BACH2: variants seen among roughly 807,000 people sequenced by gnomAD.
The protein encoded by BACH2 is transcription regulator protein BACH2.
In BACH2, 5 loss-of-function variants were observed where a neutral mutation model predicts 61.8. That is an observed-to-expected ratio of 0.08 (90% CI 0.04 to 0.17). The LOEUF is 0.17. Ranked by LOEUF, BACH2 falls within the 10% of genes least tolerant of loss-of-function variation. BACH2 has a pLI of 1.00. For synonymous variants in BACH2, 446 were observed against 440.1 expected (o/e 1.01, Z -0.17); for missense variants, 824 against 1,091.1 (o/e 0.76, Z 3.45).
At position 90,031,460 on chromosome 6, in the gene BACH2, T is replaced by G. The variant is rs374370824; in HGVS notation, c.-12-22604A>C. On this transcript the variant is annotated intron_variant, in intron 5 of 8. Coordinates refer to ENST00000257749, the MANE Select transcript of BACH2 (RefSeq NM_021813.4). ...GATTGTATATCTAGAAAACCCCATCTTCTCAGCCCAAAATCTCCTTAAGCT... is the reference window on the plus strand; with the variant it reads ...GATTGTATATCTAGAAAACCCCATCGTCTCAGCCCAAAATCTCCTTAAGCT... Among the ~76,000 whole-genome samples, 6 of 152,132 alleles carry G rather than the reference T, an allele frequency of 3.9e-5. No homozygotes were observed. The East Asian group carries it at 9.6e-4, about 24-fold the overall frequency.
intron 4 of BACH2, among the ~76,000 whole-genome samples, chr6:90,192,163 T>G (rs1768596798): frequency 6.6e-6 from 1 of 152,246 alleles, no homozygotes; most frequent in Non-Finnish European, 1.5e-5. Flanking sequence ...TCAGTATTAA[T>G]GTGCTTTCAC....
In BACH2 at chr6:89,938,603, A is replaced by G. The variant is rs1468307034; in HGVS notation, c.1837-253T>C. 6.6e-5 allele frequency among the ~76,000 whole-genome samples: 10 copies of G among 152,250 alleles called. No individual in the cohort carries two copies. In the East Asian group the frequency reaches 1.5e-3, roughly 23 times the overall value. On this transcript the variant is annotated intron_variant, in intron 7 of 8. Transcript: ENST00000257749. ...ATTTTTGAAGCAAATGACATGAACA[A>G]TATTGGAAAATGTGTCATTTTTCAT...
intron 6 of BACH2, among the ~76,000 whole-genome samples, chr6:89,977,218 A>G (rs1775699940): frequency 6.6e-6 from 1 of 152,224 alleles, no homozygotes; most frequent in East Asian, 1.9e-4. Flanking sequence ...ATGAATACAT[A>G]TATTCATTAT....
At chr6:89,948,840 C>T (rs879214533) in intron 7 of BACH2, among the ~76,000 whole-genome samples, 5 of 152,116 alleles carry the variant, frequency 3.3e-5, no homozygotes, top group Admixed American at 6.5e-5. Flanking sequence ...GTGGTATATT[C>T]GCATGGGAAT....
At chr6:90,177,616 C>T (rs1479976396) in intron 4 of BACH2, among the ~76,000 whole-genome samples, 2 of 152,086 alleles carry the variant, frequency 1.3e-5, no homozygotes, top group Non-Finnish European at 2.9e-5. Context: ...TGGATCGGAT[C>T]GTATGAAATC....
chr6:90,083,042 G>A (rs999279844), intron 5 of BACH2, among the ~76,000 whole-genome samples: 3 of 152,236 alleles, frequency 2.0e-5, no homozygotes, highest in South Asian at 2.1e-4. Context: ...TCCTCATGAC[G>A]CACAGTCTGT....
At chr6:89,988,298 A>T (rs1009462789) in intron 6 of BACH2, among the ~76,000 whole-genome samples, 1 of 152,214 alleles carries the variant, frequency 6.6e-6, no homozygotes, top group African/African-American at 2.4e-5. Flanking sequence ...AGTTTCCCTC[A>T]CTGAAAAATA....
rs75630421 is a variant in BACH2, at chr6:89,996,215, A to C, written c.243+12387T>G. Among the ~76,000 whole-genome samples the C allele has an allele frequency of 4.5e-4, 69 of 151,950 alleles. 1 individual carries two copies. The East Asian group carries it at 0.013, about 29-fold the overall frequency. The stretch of plus-strand genomic sequence containing the variant: ...TTCACCATCCATGTGCTCCCTACCC[A>C]ATTTCTTGGTATCTCTGAAAGGCCC... On this transcript the variant is annotated intron_variant, in intron 6 of 8. Coordinates refer to ENST00000257749, the MANE Select transcript of BACH2 (RefSeq NM_021813.4).
chr6:89,959,065 T>G (rs1774586127), intron 6 of BACH2, among the ~76,000 whole-genome samples: 1 of 150,742 alleles, frequency 6.6e-6, no homozygotes, highest in Non-Finnish European at 1.5e-5. Flanking sequence ...CTCATGAAGC[T>G]GGCCCTGTCA....
At chr6:90,259,989 TA>T (rs1012176522) in intron 2 of BACH2, among the ~76,000 whole-genome samples, 5 of 151,334 alleles carry the variant, frequency 3.3e-5, no homozygotes, top group Non-Finnish European at 2.9e-5. Flanking sequence ...CAATTTTACT[TA>T]AAAAAAAACC....
chr6:90,157,490 T>C (rs549899308), intron 4 of BACH2, among the ~76,000 whole-genome samples: 1 of 152,336 alleles, frequency 6.6e-6, no homozygotes, highest in East Asian at 1.9e-4. Context: ...CAGAGTTGCC[T>C]GGAAGTAAAG....
intron 2 of BACH2, among the ~76,000 whole-genome samples, chr6:90,269,806 G>C (rs1029748958): frequency 6.6e-6 from 1 of 152,074 alleles, no homozygotes; most frequent in Non-Finnish European, 1.5e-5. Flanking sequence ...TGATGGCCCC[G>C]GTGAGTGGGA....
At chr6:90,230,109 G>A (rs762090034) in intron 3 of BACH2, among the ~76,000 whole-genome samples, 32 of 152,218 alleles carry the variant, frequency 2.1e-4, no homozygotes, top group Non-Finnish European at 4.6e-4. Flanking sequence ...TCATATGAGT[G>A]AGGAGAACCA....
intron 5 of BACH2, among the ~76,000 whole-genome samples, chr6:90,065,687 G>A (rs950573929): frequency 2.6e-5 from 4 of 152,172 alleles, no homozygotes; most frequent in Non-Finnish European, 4.4e-5. Context: ...TCACAGAATC[G>A]TGAGAAATAG....
chr6:89,967,975 T>A (rs1461768510), intron 6 of BACH2, among the ~76,000 whole-genome samples: 1 of 152,122 alleles, frequency 6.6e-6, no homozygotes. Flanking sequence ...CTTCCAAATT[T>A]CCCCCAAATC....
At chr6:90,093,239 A>C (rs1782245205) in intron 4 of BACH2, among the ~76,000 whole-genome samples, 3 of 152,190 alleles carry the variant, frequency 2.0e-5, no homozygotes, top group Non-Finnish European at 4.4e-5. Flanking sequence ...TTGTTTGTCT[A>C]TCAGTCTCAA....
intron 6 of BACH2, among the ~76,000 whole-genome samples, chr6:89,969,426 T>C (rs557661901): frequency 9.2e-5 from 14 of 152,094 alleles, no homozygotes; most frequent in Non-Finnish European, 1.8e-4. Flanking sequence ...AGGAGAATAA[T>C]TGATGCTGAC....
At chr6:90,222,732 G>A (rs564202741) in intron 3 of BACH2, among the ~76,000 whole-genome samples, 4 of 152,022 alleles carry the variant, frequency 2.6e-5, no homozygotes, top group East Asian at 1.9e-4. Context: ...AAACTTCCTC[G>A]TTCTTTATGT....
chr6:90,005,056 A>C (rs1332519465), intron 6 of BACH2, among the ~76,000 whole-genome samples: 1 of 152,046 alleles, frequency 6.6e-6, no homozygotes, highest in Non-Finnish European at 1.5e-5. Context: ...TCTGTCTTTC[A>C]GTTTAGAGAC....
Sources: allele counts gnomAD v4.1 joint callset (sites outside exome capture counted in the v4.1 genomes callset), GRCh38; gene constraint gnomAD v4.1.1; transcripts MANE v1.5; gene names NCBI Gene and HGNC (gene_info 2026-07-23, HGNC 2026-07-21).